The following EYA1 variants were observed in gnomAD, a reference collection of about 807,000 sequenced individuals.
EYA1 encodes the protein EYA transcriptional coactivator and phosphatase 1, also known as protein phosphatase EYA1.
A neutral mutation model predicts 82.0 loss-of-function variants in EYA1; 16 were observed. The ratio of observed to expected loss-of-function variants is 0.20; its 90% CI spans 0.13 to 0.30. The LOEUF is 0.30. Ranked by LOEUF, EYA1 falls within the 10% of genes least tolerant of loss-of-function variation. The pLI, the probability that EYA1 is intolerant of heterozygous loss-of-function variation, is 1.00. For missense variants in EYA1, 633 were observed against 730.7 expected (o/e 0.87, Z 1.54); for synonymous variants, 261 against 264.4 (o/e 0.99, Z 0.12).
chr8:71,362,063 A>G lies in EYA1; in HGVS notation c.-471T>C. ...CCACCAAACAGCAGCGGCAGATAGC[A>G]TCTGAGAACCCTAGACAAAGAAACA... On this transcript the variant is annotated 5_prime_UTR_variant, in exon 1 of 18. The change abolishes an upstream ATG in the 5' untranslated region. Transcript: ENST00000340726. 2.6e-5 allele frequency: 26 copies of G among 984,734 alleles called. No homozygotes were observed. The highest frequency in any genetic ancestry group is 3.1e-5 in the Non-Finnish European group (26 of 829,920). 61.0% of individuals were successfully genotyped at this position (984,734 alleles called of 1,614,324 possible). A position where few individuals can be genotyped will look rare whatever the true frequency, so the allele number is the denominator to read the frequency against.
In EYA1 at chr8:71,406,510, G is replaced by T. The variant is rs1193588712; in HGVS notation, c.34-49999C>A. Among the ~76,000 whole-genome samples, 11 of 152,282 alleles carry T rather than the reference G, an allele frequency of 7.2e-5. No individual in the cohort carries two copies. The East Asian group carries it at 1.7e-3, about 24-fold the overall frequency. On this transcript the variant is annotated intron_variant, in intron 2 of 18. Coordinates refer to the EYA1 transcript ENST00000643681. The stretch of plus-strand genomic sequence containing the variant: ...GCCAGACAGTGGGCGCAGGCCAGTG[G>T]GTGTGTGCACCGTGTGCGAGCCGAA...
chr8:71,248,884 G>GA (rs34985337), intron 11 of EYA1, among the ~76,000 whole-genome samples: 1 of 152,010 alleles, frequency 6.6e-6, no homozygotes, highest in Non-Finnish European at 1.5e-5. Flanking sequence ...TAAGAACAAG[G>GA]AAAAAAACAC....
intron 7 of EYA1, among the ~76,000 whole-genome samples, chr8:71,310,334 T>C (rs536695226): frequency 2.0e-5 from 3 of 152,228 alleles, no homozygotes; most frequent in Non-Finnish European, 4.4e-5. Flanking sequence ...TCATGGAGGT[T>C]TGGTGTACAG....
chr8:71,362,449 T>C (rs1447269649), upstream of EYA1, among the ~76,000 whole-genome samples: 2 of 152,060 alleles, frequency 1.3e-5, no homozygotes, highest in African/African-American at 4.8e-5. Flanking sequence ...TTTACACTTT[T>C]CCTAAACTTT....
At chr8:71,310,837 A>G (rs1011890660) in intron 7 of EYA1, among the ~76,000 whole-genome samples, 3 of 152,096 alleles carry the variant, frequency 2.0e-5, no homozygotes, top group African/African-American at 7.2e-5. Flanking sequence ...TCCACTTCTA[A>G]CAAACATTTG....
intron 7 of EYA1, among the ~76,000 whole-genome samples, chr8:71,312,742 C>A (rs907681867): frequency 1.3e-4 from 20 of 152,130 alleles, no homozygotes; most frequent in Non-Finnish European, 2.5e-4. Flanking sequence ...CTTATCTTTT[C>A]AAAGTTACTG....
chr8:71,374,882 A>C (rs546392476), intron 2 of EYA1, among the ~76,000 whole-genome samples: 1 of 152,334 alleles, frequency 6.6e-6, no homozygotes, highest in Admixed American at 6.5e-5. Context: ...AAGTGAAATA[A>C]GCCAGACACA....
At position 71,234,500 on chromosome 8, in the gene EYA1, G is replaced by A. The variant is rs540821600; in HGVS notation, c.1140+10103C>T. 3.3e-5 allele frequency among the ~76,000 whole-genome samples: 5 copies of A among 152,154 alleles called. No homozygotes were observed. The South Asian group carries it at 1.0e-3, about 32-fold the overall frequency. On this transcript the variant is annotated intron_variant, in intron 12 of 17. Transcript: ENST00000340726. Reference sequence around the variant, plus strand: ...CAATCTAACAGTCGCTCACTTCTCTGTCCTCATCTTACTTGACTTTGGCCA... The same window carrying A: ...CAATCTAACAGTCGCTCACTTCTCTATCCTCATCTTACTTGACTTTGGCCA...
Position 71,439,006 on chromosome 8 carries a change from C to G in EYA1, c.34-82495G>C, listed in dbSNP as rs185785644. ...CAGGTTACACCAGAACTTGAGCAGC[C>G]AGGCTACCTACCATCAGGTAGCAAG... On this transcript the variant is annotated intron_variant, in intron 2 of 18. Transcript: ENST00000643681. 7.8e-4 allele frequency among the ~76,000 whole-genome samples: 119 copies of G among 152,098 alleles called. 1 individual carries two copies. The highest frequency in any genetic ancestry group is 2.8e-3 in the African/African-American group (116 of 41,494).
intron 11 of EYA1, among the ~76,000 whole-genome samples, chr8:71,247,218 C>G (rs778632634): frequency 6.6e-6 from 1 of 152,078 alleles, no homozygotes; most frequent in Non-Finnish European, 1.5e-5. Flanking sequence ...TAAGCACTGC[C>G]CCCACCTCTC....
chr8:71,527,528 A>T (rs1813909085), intron 2 of EYA1, among the ~76,000 whole-genome samples: 1 of 152,202 alleles, frequency 6.6e-6, no homozygotes, highest in African/African-American at 2.4e-5. Context: ...GAAAGGAGAG[A>T]GCGCACAACT....
At chr8:71,350,894 T>C (rs1244349645) in intron 3 of EYA1, among the ~76,000 whole-genome samples, 1 of 152,110 alleles carries the variant, frequency 6.6e-6, no homozygotes, top group African/African-American at 2.4e-5. Flanking sequence ...ATTACATACG[T>C]AAATAAAAAT....
chr8:71,448,472 G>T (rs1038524058), intron 2 of EYA1, among the ~76,000 whole-genome samples: 1 of 150,560 alleles, frequency 6.6e-6, no homozygotes, highest in Non-Finnish European at 1.5e-5. Context: ...TACATTCGCA[G>T]TTACTTCCTC....
chr8:71,463,377 A>G (rs189560675), intron 2 of EYA1, among the ~76,000 whole-genome samples: 1 of 152,340 alleles, frequency 6.6e-6, no homozygotes, highest in East Asian at 1.9e-4. Flanking sequence ...TGTAAACCTG[A>G]GTTCATTTTC....
At chr8:71,221,314 G>T (rs1352113445) in intron 12 of EYA1, among the ~76,000 whole-genome samples, 1 of 151,990 alleles carries the variant, frequency 6.6e-6, no homozygotes, top group Non-Finnish European at 1.5e-5. Flanking sequence ...AGTGAGGTGG[G>T]GTGGGATGGG....
At chr8:71,321,338 C>A (rs934340229) in intron 6 of EYA1, among the ~76,000 whole-genome samples, 1 of 152,138 alleles carries the variant, frequency 6.6e-6, no homozygotes, top group Non-Finnish European at 1.5e-5. Flanking sequence ...TCTACTTGTA[C>A]GTTCCTAATC....
chr8:71,230,234 A>G (rs1449885393), intron 12 of EYA1, among the ~76,000 whole-genome samples: 1 of 152,156 alleles, frequency 6.6e-6, no homozygotes, highest in Non-Finnish European at 1.5e-5. Context: ...CAAACTTCCT[A>G]TGAAGGTAAC....
At chr8:71,337,941 G>A (rs1231961175) in intron 3 of EYA1, among the ~76,000 whole-genome samples, 2 of 152,208 alleles carry the variant, frequency 1.3e-5, no homozygotes, top group Non-Finnish European at 2.9e-5. Flanking sequence ...TTCCTCATCT[G>A]TAAGTGTGGG....
intron 2 of EYA1, among the ~76,000 whole-genome samples, chr8:71,512,322 G>T (rs111252285): frequency 3.3e-5 from 5 of 151,872 alleles, no homozygotes. Flanking sequence ...CGTTATGCAA[G>T]AAGGTGGAGA....
Sources: gnomAD v4.1 joint callset for allele counts (sites outside exome capture counted in the v4.1 genomes callset) on GRCh38, gnomAD v4.1.1 for gene constraint, MANE v1.5 for transcripts, NCBI Gene and HGNC (gene_info 2026-07-23, HGNC 2026-07-21) for gene names.